SGMS1: variants seen among roughly 807,000 people sequenced by gnomAD.
SGMS1 encodes the protein sphingomyelin synthase 1.
A neutral mutation model predicts 46.2 loss-of-function variants in SGMS1; 13 were observed. The observed-to-expected ratio is 0.28, with a 90% CI of 0.18 to 0.45. The LOEUF is 0.45. SGMS1 is among the 20% of genes least tolerant of loss of function. The pLI is 1.00. For synonymous variants in SGMS1, 203 were observed against 187.8 expected (o/e 1.08, Z -0.66); for missense variants, 324 against 519.9 (o/e 0.62, Z 3.66).
At chr10:50,588,972 C>A (rs1043044555) in intron 2 of SGMS1, among the ~76,000 whole-genome samples, 8 of 151,994 alleles carry the variant, frequency 5.3e-5, no homozygotes, top group Non-Finnish European at 1.0e-4. Context: ...TTCAAATGAT[C>A]CACCTGCCTC....
intron 3 of SGMS1, among the ~76,000 whole-genome samples, chr10:50,477,561 G>A (rs544859398): frequency 1.2e-4 from 19 of 152,296 alleles, no homozygotes; most frequent in Admixed American, 3.9e-4. Context: ...CATGAGATTC[G>A]GGAGGAGCCA....
chr10:50,464,183 C>T (rs1837301995), intron 4 of SGMS1, among the ~76,000 whole-genome samples: 1 of 152,026 alleles, frequency 6.6e-6, no homozygotes, highest in Admixed American at 6.5e-5. Context: ...TTTTTTACCA[C>T]AATAAAAACA....
At chr10:50,523,094 T>A (rs1024849386) in intron 2 of SGMS1, among the ~76,000 whole-genome samples, 11 of 152,198 alleles carry the variant, frequency 7.2e-5, no homozygotes, top group Admixed American at 2.6e-4. Context: ...GATTCTCTTC[T>A]CTCAAGGATC....
At chr10:50,504,721 C>T (rs1173101726) in intron 3 of SGMS1, among the ~76,000 whole-genome samples, 1 of 151,900 alleles carries the variant, frequency 6.6e-6, no homozygotes, top group African/African-American at 2.4e-5. Context: ...AAAGTAATGG[C>T]GGTTGACTTA....
chr10:50,385,270 G>GT (rs1259901216), intron 6 of SGMS1, among the ~76,000 whole-genome samples: 1 of 152,078 alleles, frequency 6.6e-6, no homozygotes, highest in African/African-American at 2.4e-5. Flanking sequence ...TCAGAGAGTT[G>GT]TTTTTTTACA....
intron 2 of SGMS1, among the ~76,000 whole-genome samples, chr10:50,565,678 G>A (rs1838282249): frequency 6.6e-6 from 1 of 152,208 alleles, no homozygotes; most frequent in Non-Finnish European, 1.5e-5. Context: ...CCTCAAGTTG[G>A]CGTCAGATGC....
At chr10:50,495,563 G>A (rs555190067) in intron 3 of SGMS1, among the ~76,000 whole-genome samples, 1 of 152,014 alleles carries the variant, frequency 6.6e-6, no homozygotes, top group Non-Finnish European at 1.5e-5. Context: ...AAACATAGAA[G>A]TTTATTCTAC....
chr10:50,312,576 G>GA (rs1847273560), intron 8 of SGMS1, among the ~76,000 whole-genome samples: 1 of 152,124 alleles, frequency 6.6e-6, no homozygotes, highest in Non-Finnish European at 1.5e-5. Context: ...AAGCCACACT[G>GA]AAAAACAGAA....
chr10:50,355,872 T>C (rs1475120205), intron 6 of SGMS1, among the ~76,000 whole-genome samples: 1 of 151,692 alleles, frequency 6.6e-6, no homozygotes, highest in Non-Finnish European at 1.5e-5. Flanking sequence ...GAAGAGCGCC[T>C]CTGCCCAGCC....
intron 7 of SGMS1, among the ~76,000 whole-genome samples, chr10:50,333,996 A>G (rs1847670787): frequency 6.6e-6 from 1 of 152,226 alleles, no homozygotes; most frequent in African/African-American, 2.4e-5. Context: ...GAATTTAAGT[A>G]CTAGCCTGGA....
chr10:50,480,280 G>A (rs115242011), intron 3 of SGMS1, among the ~76,000 whole-genome samples: 1,569 of 152,162 alleles, frequency 0.01, 26 homozygotes, highest in African/African-American at 0.036. Context: ...GAAAACGAGA[G>A]TATTAAGCAG....
intron 3 of SGMS1, among the ~76,000 whole-genome samples, chr10:50,514,810 A>G (rs993708684): frequency 1.3e-5 from 2 of 152,150 alleles, no homozygotes; most frequent in Non-Finnish European, 2.9e-5. Context: ...GTGATTAACC[A>G]AAGTCCTACA....
intron 5 of SGMS1, among the ~76,000 whole-genome samples, chr10:50,435,201 A>G (rs1564912792): frequency 6.6e-6 from 1 of 152,168 alleles, no homozygotes; most frequent in Admixed American, 6.5e-5. Flanking sequence ...TTGCCAAGTA[A>G]TTTATTCCTT....
chr10:50,353,469 C>T (rs1379044228), intron 6 of SGMS1, among the ~76,000 whole-genome samples: 1 of 152,284 alleles, frequency 6.6e-6, no homozygotes, highest in Non-Finnish European at 1.5e-5. Flanking sequence ...ATGACAAACC[C>T]ACAGCTAATA....
intron 6 of SGMS1, among the ~76,000 whole-genome samples, chr10:50,385,938 T>C (rs1848675369): frequency 6.6e-6 from 1 of 152,270 alleles, no homozygotes; most frequent in African/African-American, 2.4e-5. Flanking sequence ...GTAAAACTAC[T>C]ATCCTCTGCT....
At chr10:50,340,559 A>G (rs1847800732) in intron 7 of SGMS1, 1 of 152,220 alleles carries the variant, frequency 6.6e-6, no homozygotes, top group Admixed American at 6.5e-5. Context: ...GAGGTCATGG[A>G]AATCCCATGT....
chr10:50,515,562 C>T (rs936271004), intron 3 of SGMS1, among the ~76,000 whole-genome samples: 2 of 152,234 alleles, frequency 1.3e-5, no homozygotes, highest in East Asian at 3.8e-4. Context: ...AGATGTCTTT[C>T]CCTTTGCCTG....
At chr10:50,602,041 GCAGATTTGGGATTTT>G (rs2131911782) in intron 1 of SGMS1, among the ~76,000 whole-genome samples, 1 of 152,326 alleles carries the variant, frequency 6.6e-6, no homozygotes, top group East Asian at 1.9e-4. Flanking sequence ...TTGGAGCATT[GCAGATTTGGGATTTT>G]CAGATTTGGG....
At chr10:50,356,775 G>A (rs1247722684) in intron 6 of SGMS1, among the ~76,000 whole-genome samples, 2 of 151,970 alleles carry the variant, frequency 1.3e-5, no homozygotes, top group Non-Finnish European at 1.5e-5. Flanking sequence ...GTAGGGACAT[G>A]GATGAAGCTG....
Sources: gnomAD v4.1 joint callset for allele counts (sites outside exome capture counted in the v4.1 genomes callset) on GRCh38, gnomAD v4.1.1 for gene constraint, MANE v1.5 for transcripts, NCBI Gene and HGNC (gene_info 2026-07-23, HGNC 2026-07-21) for gene names.